CACNA1B: variants seen among roughly 807,000 people sequenced by gnomAD.
The protein encoded by CACNA1B is calcium voltage-gated channel subunit alpha1 B, also known as voltage-dependent N-type calcium channel subunit alpha-1B.
In CACNA1B, 70 loss-of-function variants were observed where a neutral mutation model predicts 247.2. The ratio of observed to expected loss-of-function variants is 0.28; its 90% CI spans 0.23 to 0.35. CACNA1B has a LOEUF of 0.35. Ranked by LOEUF, CACNA1B falls within the 10% of genes least tolerant of loss-of-function variation. The probability of loss-of-function intolerance (pLI) is 1.00; values close to 1 mark genes in which losing one functional copy is unlikely to be tolerated. For synonymous variants in CACNA1B, 1,231 were observed against 1,294.4 expected, an observed-to-expected ratio of 0.95 and a Z score of 1.05; for missense variants, 2,367 against 3,197.4, an observed-to-expected ratio of 0.74 and a Z score of 6.26.
chr9:138,118,972 G>A (rs1450510893), intron 44 of CACNA1B, among the ~76,000 whole-genome samples: 1 of 152,110 alleles, frequency 6.6e-6, no homozygotes, highest in Non-Finnish European at 1.5e-5. Context: ...GACGCCTTCA[G>A]CCCCTGAGGC....
rs931132407 is a variant in CACNA1B at position 138,011,155 on chromosome 9, C to T, written c.2160+1078C>T. Among the ~76,000 whole-genome samples the T allele has an allele frequency of 1.3e-5, 2 of 152,222 alleles. No individual in the cohort carries two copies. The highest frequency in any genetic ancestry group is 2.9e-5 in the Non-Finnish European group (2 of 68,042). On this transcript the variant is annotated intron_variant, in intron 17 of 46. Coordinates refer to ENST00000371372, the MANE Select transcript of CACNA1B (RefSeq NM_000718.4). This position sits in a 1 kb window ranked among gnomAD's most constrained non-coding sequence, Gnocchi z 4.2. Reference sequence around the variant, plus strand: ...GGCTTCTCTCTGTTCCTGTCTTCAGCTGGGCCGCTTGGGTTGGGGGAGCCC... The same window carrying T: ...GGCTTCTCTCTGTTCCTGTCTTCAGTTGGGCCGCTTGGGTTGGGGGAGCCC...
intron 36 of CACNA1B, among the ~76,000 whole-genome samples, chr9:138,088,368 CAA>C (rs796969684): frequency 7.9e-6 from 1 of 126,884 alleles, no homozygotes. Context: ...GACTCTGTCT[CAA>C]AAAAAAAAAA....
chr9:137,903,961 T>C (rs989304284), intron 3 of CACNA1B, among the ~76,000 whole-genome samples: 9 of 152,198 alleles, frequency 5.9e-5, no homozygotes, highest in African/African-American at 2.2e-4. Context: ...GCACACCCCT[T>C]CTGGGTAGAG....
intron 5 of CACNA1B, among the ~76,000 whole-genome samples, chr9:137,916,118 C>T (rs957723202): frequency 1.3e-5 from 2 of 151,228 alleles, no homozygotes; most frequent in Admixed American, 6.6e-5. Flanking sequence ...CTGCAACCTC[C>T]GCCTCCCAGG....
Position 138,102,898 on chromosome 9 carries a change from G to C in CACNA1B, c.5319+91G>C, listed in dbSNP as rs201039310. The C allele has an allele frequency of 1.9e-4, 85 of 437,562 alleles. 1 individual carries two copies. The highest frequency in any genetic ancestry group is 2.6e-4 in the Non-Finnish European group (77 of 294,594). The allele number at this position is 437,562 out of a possible 1,614,324, so 27.1% of individuals were successfully genotyped here. On this transcript the variant is annotated intron_variant, in intron 38 of 46. Coordinates refer to ENST00000371372, the MANE Select transcript of CACNA1B (RefSeq NM_000718.4). This position sits in a 1 kb window ranked among gnomAD's most constrained non-coding sequence, Gnocchi z 5.4. ...GCTCTCCCAGCTCCTCTCCCTTTCA[G>C]GGTGCCCGGCTGTCTGTCTGCCGCT...
intron 12 of CACNA1B, among the ~76,000 whole-genome samples, chr9:137,978,129 G>A (rs1190584069): frequency 1.4e-5 from 2 of 142,070 alleles, no homozygotes; most frequent in South Asian, 2.3e-4. Context: ...CCCCTCCCCA[G>A]GAAGGAGTGA....
intron 6 of CACNA1B, among the ~76,000 whole-genome samples, chr9:137,934,145 C>T (rs866918239): frequency 1.2e-4 from 18 of 152,176 alleles, no homozygotes; most frequent in African/African-American, 2.9e-4. Context: ...ACTTATTTTT[C>T]GGCTGTCTTT....
At chr9:137,900,672 GT>G (rs1445004751) in intron 3 of CACNA1B, among the ~76,000 whole-genome samples, 2 of 149,706 alleles carry the variant, frequency 1.3e-5, no homozygotes, top group African/African-American at 5.0e-5. Context: ...CTGTGTTTGT[GT>G]ATGTGTGTCT....
At chr9:138,041,278 A>G (rs1464457861) in intron 20 of CACNA1B, among the ~76,000 whole-genome samples, 1 of 152,130 alleles carries the variant, frequency 6.6e-6, no homozygotes, top group Non-Finnish European at 1.5e-5. Context: ...GCGGTTCCTC[A>G]GTTCAGCCTC....
At chr9:137,963,234 T>G (rs1418534699) in intron 10 of CACNA1B, among the ~76,000 whole-genome samples, 1 of 152,224 alleles carries the variant, frequency 6.6e-6, no homozygotes, top group Non-Finnish European at 1.5e-5. Flanking sequence ...ATTTGCTTCA[T>G]AAATTTTCCT....
chr9:137,886,477 C>G (rs566803540), intron 3 of CACNA1B, among the ~76,000 whole-genome samples: 1 of 151,756 alleles, frequency 6.6e-6, no homozygotes, highest in Non-Finnish European at 1.5e-5. Context: ...AGCCCTGCTG[C>G]CAGCCCTCCC....
intron 10 of CACNA1B, among the ~76,000 whole-genome samples, chr9:137,962,538 C>A (rs1958032164): frequency 6.6e-6 from 1 of 152,068 alleles, no homozygotes; most frequent in Non-Finnish European, 1.5e-5. Context: ...ATAAATTTCC[C>A]TCTTAACACT....
intron 8 of CACNA1B, 23 bp from the exon 9 acceptor site, chr9:137,956,748 C>G (rs190167060): frequency 6.2e-7 from 1 of 1,612,198 alleles, no homozygotes; most frequent in Non-Finnish European, 8.5e-7. Context: ...GGGCTCTGAC[C>G]TGAGGCTGTG....
rs1361053813 is a variant in CACNA1B, at chr9:138,050,066, A to G, written c.3710+751A>G. The G allele has an allele frequency of 1.6e-6, 2 of 1,289,238 alleles. No homozygotes were observed. Among genetic ancestry groups the G allele is most frequent in the Admixed American group, 4.6e-5 (2 of 43,548 alleles). The allele number at this position is 1,289,238 out of a possible 1,614,324, so 79.9% of individuals were successfully genotyped here. The stretch of plus-strand genomic sequence containing the variant: ...GTTCTCTTTGTCTTCCTCTTGCTGG[A>G]CTCGGCAGGAGCTTCGTGGGGTAAT... On this transcript the variant is annotated intron_variant, in intron 24 of 46. Coordinates refer to ENST00000371372, the MANE Select transcript of CACNA1B (RefSeq NM_000718.4). The surrounding 1 kb of genome is among the most constrained non-coding windows in gnomAD (Gnocchi z 5.2).
chr9:138,045,544 C>T (rs952901229), intron 21 of CACNA1B, among the ~76,000 whole-genome samples: 1 of 152,150 alleles, frequency 6.6e-6, no homozygotes, highest in Non-Finnish European at 1.5e-5. Flanking sequence ...CCAGTTTCTG[C>T]CTGACAGTGG....
chr9:138,096,450 C>G (rs1010222446), intron 36 of CACNA1B, 34 bp from the exon 37 acceptor site: 3 of 1,605,314 alleles, frequency 1.9e-6, no homozygotes, highest in African/African-American at 1.3e-5. Context: ...GCTGAGGTCT[C>G]TCTCCGTCAC....
intron 3 of CACNA1B, among the ~76,000 whole-genome samples, chr9:137,910,198 G>T (rs1193528975): frequency 6.6e-6 from 1 of 152,182 alleles, no homozygotes; most frequent in African/African-American, 2.4e-5. Flanking sequence ...TTCTTTGGAA[G>T]AATGTTCATT....
intron 39 of CACNA1B, among the ~76,000 whole-genome samples, chr9:138,108,182 A>T (rs1292434815): frequency 6.6e-6 from 1 of 151,684 alleles, no homozygotes; most frequent in Non-Finnish European, 1.5e-5. Flanking sequence ...ACAAAATATT[A>T]AAAAATTAGC....
At position 138,122,525 on chromosome 9, in the gene CACNA1B, G is replaced by A. The variant is rs1370625344; in HGVS notation, c.*526G>A. ...CACTCAGGCAAGCTCTGTCCTCCCT[G>A]GACACCGTCAGCCCCACAGGAACCG... On this transcript the variant is annotated 3_prime_UTR_variant, in exon 47 of 47. Transcript: ENST00000371372. 1 of 156,560 alleles carries A rather than the reference G, an allele frequency of 6.4e-6. No homozygotes were observed. The highest frequency in any genetic ancestry group is 1.9e-4 in the East Asian group (1 of 5,266). 9.7% of individuals were successfully genotyped at this position (156,560 alleles called of 1,614,324 possible). A position where few individuals can be genotyped will look rare whatever the true frequency, so the allele number is the denominator to read the frequency against.
Sources: gnomAD v4.1 joint callset for allele counts (sites outside exome capture counted in the v4.1 genomes callset) on GRCh38, gnomAD v4.1.1 for gene constraint, Gnocchi (gnomAD v3.1) non-coding constraint, MANE v1.5 for transcripts, NCBI Gene and HGNC (gene_info 2026-07-23, HGNC 2026-07-21) for gene names.